Variants in ENAH observed in about 807,000 individuals in gnomAD.
ENAH encodes ENAH actin regulator, also known as protein enabled homolog.
ENAH carries 23 observed loss-of-function variants against 78.7 expected under a neutral mutation model. The ratio of observed to expected loss-of-function variants is 0.29; its 90% CI spans 0.21 to 0.41. The LOEUF (loss-of-function observed/expected upper bound fraction) is 0.41. Among genes scored for constraint, ENAH ranks in the 10% least tolerant of loss-of-function variants. The pLI is 1.00. For synonymous variants in ENAH, 226 were observed against 241.0 expected (o/e 0.94, Z 0.58); for missense variants, 544 against 691.0 (o/e 0.79, Z 2.39).
chr1:225,503,824 C>T (rs1213146811), intron 11 of ENAH, among the ~76,000 whole-genome samples: 1 of 152,034 alleles, frequency 6.6e-6, no homozygotes, highest in Admixed American at 6.6e-5. Context: ...TTACAGAACT[C>T]CCAACTCACT....
Position 225,519,385 on chromosome 1 carries a change from C to CTCCAGGCGT in ENAH, c.606_614dup (p.Leu204_Arg206dup). Reference sequence around the variant, plus strand: ...CCTGCCGCTCCAGGCGTTCCTGCCGCTCCAGGCGTTCCTGCCGTTCCCGTT... The same window carrying CTCCAGGCGT: ...CCTGCCGCTCCAGGCGTTCCTGCCGCTCCAGGCGTTCCAGGCGTTCCTGCCGTTCCCGTT... On this transcript the variant is annotated inframe_insertion, in exon 5 of 14. Transcript: ENST00000366843. The CTCCAGGCGT allele has an allele frequency of 6.5e-7, 1 of 1,544,050 alleles. No individual in the cohort carries two copies. The highest frequency in any genetic ancestry group is 8.9e-7 in the Non-Finnish European group (1 of 1,125,642).
chr1:225,501,880 T>C (rs2096284153), intron 11 of ENAH, among the ~76,000 whole-genome samples: 1 of 152,198 alleles, frequency 6.6e-6, no homozygotes, highest in Non-Finnish European at 1.5e-5. Context: ...CAACACCAAA[T>C]AAACCAGTCA....
At chr1:225,584,294 C>A (rs1416593254) in intron 1 of ENAH, among the ~76,000 whole-genome samples, 1 of 152,112 alleles carries the variant, frequency 6.6e-6, no homozygotes, top group Non-Finnish European at 1.5e-5. Context: ...CTGGGGGGAA[C>A]AAACCTAGAG....
intron 1 of ENAH, among the ~76,000 whole-genome samples, chr1:225,617,641 T>A (rs2148213832): frequency 6.6e-6 from 1 of 152,350 alleles, no homozygotes. Context: ...TTAATTTGTA[T>A]CATCACAACT....
intron 1 of ENAH, among the ~76,000 whole-genome samples, chr1:225,601,485 G>A (rs576567842): frequency 7.3e-5 from 11 of 149,938 alleles, no homozygotes; most frequent in South Asian, 2.1e-4. Flanking sequence ...GCCACTGCAC[G>A]CCAGCCTGGG....
chr1:225,516,159 T>C (rs1488934397), intron 6 of ENAH, among the ~76,000 whole-genome samples: 1 of 152,198 alleles, frequency 6.6e-6, no homozygotes, highest in Admixed American at 6.5e-5. Context: ...GATTACATCC[T>C]GCCTTCCCTG....
At chr1:225,591,562 C>CA (rs1466919629) in intron 1 of ENAH, among the ~76,000 whole-genome samples, 2 of 150,688 alleles carry the variant, frequency 1.3e-5, no homozygotes, top group Non-Finnish European at 2.9e-5. Flanking sequence ...GTCAGGAGAT[C>CA]AAGACCATCC....
At chr1:225,564,921 G>A (rs934244435) in intron 2 of ENAH, among the ~76,000 whole-genome samples, 4 of 151,004 alleles carry the variant, frequency 2.6e-5, no homozygotes, top group African/African-American at 9.7e-5. Context: ...TGTCCTACAG[G>A]TTTCTATATG....
At chr1:225,576,638 A>G (rs2096789656) in intron 1 of ENAH, among the ~76,000 whole-genome samples, 1 of 152,016 alleles carries the variant, frequency 6.6e-6, no homozygotes, top group African/African-American at 2.4e-5. Flanking sequence ...GCTTTACAGC[A>G]AAAGACTAGA....
At position 225,549,955 on chromosome 1, in the gene ENAH, A is replaced by G. The variant is rs1575491872; in HGVS notation, c.349+4951T>C. On this transcript the variant is annotated intron_variant, in intron 3 of 13. Transcript: ENST00000366843. Reference sequence around the variant, plus strand: ...CTCACCACACTTGTCCTAAAGCACAAACTTGATCATATCAATCCTTTATTT... The same window carrying G: ...CTCACCACACTTGTCCTAAAGCACAGACTTGATCATATCAATCCTTTATTT... 3.9e-5 allele frequency among the ~76,000 whole-genome samples: 6 copies of G among 152,284 alleles called. No homozygotes were observed. The South Asian group carries it at 1.2e-3, about 32-fold the overall frequency.
intron 2 of ENAH, 135 bp downstream of exon 2, chr1:225,567,114 G>A: frequency 1.1e-6 from 1 of 950,794 alleles, no homozygotes; most frequent in Non-Finnish European, 1.5e-6. Flanking sequence ...AGGGTGGAGA[G>A]ACAATTTTAT....
At chr1:225,636,712 A>T (rs1660117239) in intron 1 of ENAH, among the ~76,000 whole-genome samples, 1 of 152,230 alleles carries the variant, frequency 6.6e-6, no homozygotes, top group African/African-American at 2.4e-5. Context: ...AGAAGGCCAA[A>T]AACAATCAAT....
rs567273956 is a variant in ENAH at position 225,574,091 on chromosome 1, A to C, written c.6-6677T>G. On this transcript the variant is annotated intron_variant, in intron 1 of 13. Coordinates refer to ENST00000366843, the MANE Select transcript of ENAH (RefSeq NM_018212.6). ...TCAGAAGATAAAATACTAAGAAATAACACTAAAAACTTTGGAATTTTAAAT... is the reference window on the plus strand; with the variant it reads ...TCAGAAGATAAAATACTAAGAAATACCACTAAAAACTTTGGAATTTTAAAT... Among the ~76,000 whole-genome samples the C allele has an allele frequency of 3.3e-5, 5 of 152,320 alleles. No homozygotes were observed. In the South Asian group the frequency reaches 1.0e-3, roughly 32 times the overall value.
Position 225,491,486 on chromosome 1 carries a change from A to T in ENAH, c.*6289T>A, listed in dbSNP as rs1388064397. On this transcript the variant is annotated 3_prime_UTR_variant, in exon 14 of 14. Transcript: ENST00000366843. The stretch of plus-strand genomic sequence containing the variant: ...AAATGCCTTTAATCTTTAAAAAAAA[A>T]AATAAAAGAAAAAGAAAAAAAGAAA... The T allele has an allele frequency of 6.6e-6, 1 of 151,724 alleles. No homozygotes were observed. Among genetic ancestry groups the T allele is most frequent in the Non-Finnish European group, 1.5e-5 (1 of 67,970 alleles). The allele number at this position is 151,724 out of a possible 1,614,324, so 9.4% of individuals were successfully genotyped here.
chr1:225,615,074 G>A (rs1168869795), intron 1 of ENAH, among the ~76,000 whole-genome samples: 1 of 150,800 alleles, frequency 6.6e-6, no homozygotes, highest in Non-Finnish European at 1.5e-5. Context: ...CTCTCTCCAC[G>A]GTCTCCCTCT....
chr1:225,542,785 C>T (rs761916280), intron 3 of ENAH, among the ~76,000 whole-genome samples: 1 of 152,070 alleles, frequency 6.6e-6, no homozygotes, highest in Non-Finnish European at 1.5e-5. Flanking sequence ...CTTTGGGAGA[C>T]TGAGGCAGGA....
intron 1 of ENAH, among the ~76,000 whole-genome samples, chr1:225,577,796 A>C: frequency 6.6e-6 from 1 of 152,214 alleles, no homozygotes; most frequent in Non-Finnish European, 1.5e-5. Context: ...ATAGGGGAAA[A>C]CGTTAAAGGT....
intron 1 of ENAH, among the ~76,000 whole-genome samples, chr1:225,621,451 C>A (rs1558922449): frequency 6.6e-6 from 1 of 151,750 alleles, no homozygotes; most frequent in Non-Finnish European, 1.5e-5. Flanking sequence ...CGCCACTACG[C>A]CCGGCTAATT....
chr1:225,600,749 T>C (rs1426894173), intron 1 of ENAH, among the ~76,000 whole-genome samples: 1 of 151,968 alleles, frequency 6.6e-6, no homozygotes, highest in Non-Finnish European at 1.5e-5. Flanking sequence ...TCCCAGCTAC[T>C]GGGGGAAATG....
Sources: gnomAD v4.1 joint callset for allele counts (sites outside exome capture counted in the v4.1 genomes callset) on GRCh38, gnomAD v4.1.1 for gene constraint, MANE v1.5 for transcripts, NCBI Gene and HGNC (gene_info 2026-07-23, HGNC 2026-07-21) for gene names.